The following OTOGL variants were observed in gnomAD, a reference collection of about 807,000 sequenced individuals.
OTOGL encodes otogelin-like protein.
Under a neutral mutation model 318.5 loss-of-function variants are expected in OTOGL, and 285 were observed. The observed-to-expected ratio is 0.89, with a 90% CI of 0.81 to 0.99. The LOEUF (loss-of-function observed/expected upper bound fraction) is 0.99, where lower values mean the gene tolerates loss of function less well. Ranked by LOEUF, OTOGL falls within the 50% of genes least tolerant of loss-of-function variation. The probability of loss-of-function intolerance (pLI) is 0.00; values close to 1 mark genes in which losing one functional copy is unlikely to be tolerated. For missense variants in OTOGL, 2,899 were observed against 2,845.6 expected, an observed-to-expected ratio of 1.02 and a Z score of -0.43; for synonymous variants, 987 against 936.5, an observed-to-expected ratio of 1.05 and a Z score of -0.99.
intron 1 of OTOGL, among the ~76,000 whole-genome samples, chr12:80,181,831 G>A (rs558884374): frequency 5.3e-5 from 8 of 152,044 alleles, no homozygotes; most frequent in Non-Finnish European, 7.4e-5. Flanking sequence ...TTTCTCCTGA[G>A]CATTCTATAG....
At chr12:80,143,264 A>T (rs554467355) in intron 1 of OTOGL, among the ~76,000 whole-genome samples, 256 of 152,300 alleles carry the variant, frequency 1.7e-3, no homozygotes, top group African/African-American at 5.9e-3. Context: ...GCACCCTGTT[A>T]ACTTTCTGAA....
At chr12:80,135,861 C>T (rs556576648) in intron 1 of OTOGL, among the ~76,000 whole-genome samples, 1 of 152,240 alleles carries the variant, frequency 6.6e-6, no homozygotes, top group African/African-American at 2.4e-5. Flanking sequence ...AACAGAAAGG[C>T]CGACTCTCAC....
chr12:80,264,270 A>G, intron 19 of OTOGL, among the ~76,000 whole-genome samples: 1 of 152,186 alleles, frequency 6.6e-6, no homozygotes, highest in Non-Finnish European at 1.5e-5. Flanking sequence ...ATAAAGAATT[A>G]TATCTGATCA....
At chr12:80,370,857 G>A in intron 56 of OTOGL, 168 bp downstream of exon 56, 1 of 474,926 alleles carries the variant, frequency 2.1e-6, no homozygotes, top group Non-Finnish European at 3.4e-6. Context: ...GAAATTTTGA[G>A]TTATATACGG....
At chr12:80,336,629 C>T in intron 40 of OTOGL, 74 bp downstream of exon 40, 1 of 1,501,588 alleles carries the variant, frequency 6.7e-7, no homozygotes, top group South Asian at 1.3e-5. Flanking sequence ...ATCAGGGATT[C>T]TCACAGGAGG....
chr12:80,352,173 A>G (rs1005299952), intron 44 of OTOGL, 122 bp from the exon 45 acceptor site: 6 of 871,668 alleles, frequency 6.9e-6, no homozygotes, highest in South Asian at 4.0e-5. Context: ...TGTAAAGTCT[A>G]TGATGAAGTA....
chr12:80,131,415 G>A (rs532941875), intron 1 of OTOGL, among the ~76,000 whole-genome samples: 224 of 152,212 alleles, frequency 1.5e-3, no homozygotes, highest in Non-Finnish European at 2.5e-3. Context: ...AGGCCCTGAG[G>A]GCAGGAACTT....
intron 29 of OTOGL, among the ~76,000 whole-genome samples, chr12:80,308,794 G>A (rs1367661920): frequency 2.0e-5 from 3 of 152,154 alleles, no homozygotes; most frequent in African/African-American, 4.8e-5. Flanking sequence ...GCGAATCCCC[G>A]TCTCCACCAA....
intron 27 of OTOGL, among the ~76,000 whole-genome samples, chr12:80,299,479 C>T (rs1885615220): frequency 6.6e-6 from 1 of 151,652 alleles, no homozygotes; most frequent in South Asian, 2.1e-4. Context: ...AACTGTATGA[C>T]ATAAGATTAA....
intron 1 of OTOGL, among the ~76,000 whole-genome samples, chr12:80,183,279 C>T (rs1217266640): frequency 2.0e-5 from 3 of 152,126 alleles, no homozygotes; most frequent in Non-Finnish European, 2.9e-5. Context: ...TCTCTCTCAG[C>T]AAATAGCAGC....
At chr12:80,326,014 C>A (rs1043140264) in intron 35 of OTOGL, among the ~76,000 whole-genome samples, 1 of 152,120 alleles carries the variant, frequency 6.6e-6, no homozygotes, top group South Asian at 2.1e-4. Context: ...GATGAAACTT[C>A]GCCCCTGCCA....
chr12:80,313,292 C>T (rs1886757018), intron 30 of OTOGL, among the ~76,000 whole-genome samples, 184 bp from the exon 31 acceptor site: 1 of 152,176 alleles, frequency 6.6e-6, no homozygotes, highest in South Asian at 2.1e-4. Flanking sequence ...TTTGATGTGA[C>T]ATTTTCCTAA....
At chr12:80,196,324 T>G (rs1300970604) in intron 1 of OTOGL, among the ~76,000 whole-genome samples, 1 of 152,244 alleles carries the variant, frequency 6.6e-6, no homozygotes, top group Non-Finnish European at 1.5e-5. Flanking sequence ...GCACCTTACA[T>G]GACATCTATC....
intron 1 of OTOGL, among the ~76,000 whole-genome samples, chr12:80,151,935 A>G (rs1350105885): frequency 6.6e-6 from 1 of 152,238 alleles, no homozygotes; most frequent in African/African-American, 2.4e-5. Flanking sequence ...TACAGGTATT[A>G]TCAGTTGGTG....
intron 29 of OTOGL, among the ~76,000 whole-genome samples, chr12:80,307,999 C>T (rs1356748267): frequency 2.2e-5 from 3 of 139,450 alleles, no homozygotes; most frequent in Non-Finnish European, 3.1e-5. Context: ...GGCGGCCGGG[C>T]AGAGGCGCCC....
At chr12:80,108,936 G>GTGTGTGTATATATA (rs1555268621) in intron 1 of OTOGL, among the ~76,000 whole-genome samples, 1 of 128,244 alleles carries the variant, frequency 7.8e-6, no homozygotes, top group African/African-American at 3.2e-5. Context: ...ATATGTGTGT[G>GTGTGTGTATATATA]TATATATATA....
At chr12:80,111,495 T>G (rs1005021589) in intron 1 of OTOGL, among the ~76,000 whole-genome samples, 3 of 152,352 alleles carry the variant, frequency 2.0e-5, no homozygotes, top group African/African-American at 7.2e-5. Context: ...CACCATTTAT[T>G]AAATAGAGAA....
chr12:80,147,002 C>G (rs1203215285), intron 1 of OTOGL, among the ~76,000 whole-genome samples: 1 of 151,954 alleles, frequency 6.6e-6, no homozygotes, highest in African/African-American at 2.4e-5. Context: ...TTTCAAAAAA[C>G]CAGCTCCTGG....
intron 56 of OTOGL, among the ~76,000 whole-genome samples, chr12:80,371,131 C>A (rs1014777863): frequency 6.6e-6 from 1 of 152,092 alleles, no homozygotes; most frequent in South Asian, 2.1e-4. Flanking sequence ...AAATTTAGTA[C>A]AAGTCACAGG....
Sources: allele counts gnomAD v4.1 joint callset (sites outside exome capture counted in the v4.1 genomes callset), GRCh38; gene constraint gnomAD v4.1.1; transcripts MANE v1.5; gene names NCBI Gene and HGNC (gene_info 2026-07-23, HGNC 2026-07-21).